GABRG3: variants seen among roughly 807,000 people sequenced by gnomAD.
GABRG3 encodes gamma-aminobutyric acid type A receptor subunit gamma3, also known as gamma-aminobutyric acid receptor subunit gamma-3.
Under a neutral mutation model 48.8 loss-of-function variants are expected in GABRG3, and 25 were observed. That is an observed-to-expected ratio of 0.51 (90% CI 0.37 to 0.72). The LOEUF (loss-of-function observed/expected upper bound fraction) is 0.72, where lower values mean the gene tolerates loss of function less well. GABRG3 is among the 30% of genes least tolerant of loss of function. The pLI is 0.00. For missense variants in GABRG3, 394 were observed against 577.9 expected, an observed-to-expected ratio of 0.68 and a Z score of 3.26; for synonymous variants, 227 against 217.6, an observed-to-expected ratio of 1.04 and a Z score of -0.38.
chr15:27,096,584 A>ACATTT (rs1897268374), intron 3 of GABRG3, among the ~76,000 whole-genome samples: 1 of 152,218 alleles, frequency 6.6e-6, no homozygotes, highest in Non-Finnish European at 1.5e-5. Flanking sequence ...CTCTGTGTAT[A>ACATTT]CATTTCATTT....
At chr15:27,132,840 C>T (rs1897943601) in intron 3 of GABRG3, among the ~76,000 whole-genome samples, 1 of 151,080 alleles carries the variant, frequency 6.6e-6, no homozygotes, top group Non-Finnish European at 1.5e-5. Context: ...CCTTTGCTAG[C>T]TTTGGGGTTA....
In GABRG3 at chr15:27,117,331, T is replaced by C. The variant is rs75179477; in HGVS notation, c.270+90510T>C. Among the ~76,000 whole-genome samples, 1,014 of 152,324 alleles carry C rather than the reference T, an allele frequency of 6.7e-3. 21 individuals are homozygous for C. Among genetic ancestry groups the C allele is most frequent in the African/African-American group, 0.023 (937 of 41,578 alleles). ...GAGCACTAAATTTCAGTTTGAAGTC[T>C]TCTCCTCTGGAGCCGAACAATACTC... On this transcript the variant is annotated intron_variant, in intron 3 of 9. Coordinates refer to ENST00000615808, the MANE Select transcript of GABRG3 (RefSeq NM_033223.5).
At chr15:27,349,986 G>A (rs1894505124) in intron 5 of GABRG3, 1 of 301,582 alleles carries the variant, frequency 3.3e-6, no homozygotes, top group South Asian at 2.8e-5. Flanking sequence ...CTTTCCCATC[G>A]GTACTCACTT....
intron 5 of GABRG3, among the ~76,000 whole-genome samples, chr15:27,412,645 G>T (rs564542959): frequency 4.6e-5 from 7 of 152,190 alleles, no homozygotes; most frequent in African/African-American, 1.7e-4. Flanking sequence ...GCTCTCACAC[G>T]CTTGAACGTG....
intron 3 of GABRG3, among the ~76,000 whole-genome samples, chr15:27,212,676 A>G (rs978792485): frequency 6.6e-6 from 1 of 152,152 alleles, no homozygotes; most frequent in East Asian, 1.9e-4. Context: ...CATCTCTAGG[A>G]CCTTTTCATC....
chr15:26,972,215 A>G (rs1436795289), intron 1 of GABRG3, among the ~76,000 whole-genome samples: 1 of 152,128 alleles, frequency 6.6e-6, no homozygotes, highest in Non-Finnish European at 1.5e-5. Context: ...ACCCCCATAA[A>G]GCACGCATGT....
Position 27,457,562 on chromosome 15 carries a change from C to T in GABRG3, c.575-23088C>T, listed in dbSNP as rs1266871433. On this transcript the variant is annotated intron_variant, in intron 5 of 9. Coordinates refer to ENST00000615808, the MANE Select transcript of GABRG3 (RefSeq NM_033223.5). This position sits in a 1 kb window ranked among gnomAD's most constrained non-coding sequence, Gnocchi z 4.4. ...GCAGAGGAGGACCTGCGATTAGATACGGACACGTTCCCTGCCCCGTATCTA... is the reference window on the plus strand; with the variant it reads ...GCAGAGGAGGACCTGCGATTAGATATGGACACGTTCCCTGCCCCGTATCTA... 6.6e-6 allele frequency among the ~76,000 whole-genome samples: 1 copy of T among 152,130 alleles called. No homozygotes were observed. Among genetic ancestry groups the T allele is most frequent in the Non-Finnish European group, 1.5e-5 (1 of 68,036 alleles).
intron 3 of GABRG3, among the ~76,000 whole-genome samples, chr15:27,118,300 T>C (rs947491847): frequency 1.3e-5 from 2 of 152,138 alleles, no homozygotes; most frequent in African/African-American, 4.8e-5. Flanking sequence ...GTGTACGTAT[T>C]ATATGGTACA....
At chr15:27,199,519 G>A (rs1487566356) in intron 3 of GABRG3, among the ~76,000 whole-genome samples, 4 of 152,136 alleles carry the variant, frequency 2.6e-5, no homozygotes, top group African/African-American at 9.7e-5. Context: ...TTTGGGTCAT[G>A]GAGGTGGATC....
intron 3 of GABRG3, among the ~76,000 whole-genome samples, chr15:27,201,380 AAGAG>A (rs752468538): frequency 4.3e-4 from 63 of 145,576 alleles, no homozygotes; most frequent in African/African-American, 1.1e-3. Context: ...GTGAGAGAGA[AAGAG>A]AGAGAGAACC....
intron 5 of GABRG3, among the ~76,000 whole-genome samples, chr15:27,354,341 T>G (rs1220068627): frequency 6.6e-6 from 1 of 152,126 alleles, no homozygotes. Context: ...TTCAGTGGAG[T>G]GCAGGGCTTG....
At chr15:27,011,829 C>CAGAGCAAGACTCCGTCTCAAAAAAA (rs1895693247) in intron 2 of GABRG3, among the ~76,000 whole-genome samples, 1 of 139,384 alleles carries the variant, frequency 7.2e-6, no homozygotes, top group South Asian at 2.3e-4. Flanking sequence ...GGCTGGGCGA[C>CAGAGCAAGACTCCGTCTCAAAAAAA]AGAGCAAGAC....
intron 5 of GABRG3, among the ~76,000 whole-genome samples, chr15:27,477,851 T>C (rs958845515): frequency 2.6e-5 from 4 of 152,034 alleles, no homozygotes; most frequent in East Asian, 1.9e-4. Context: ...CCATCCTGGC[T>C]AACATGGTGA....
At chr15:27,099,166 C>T (rs959179759) in intron 3 of GABRG3, among the ~76,000 whole-genome samples, 1 of 152,170 alleles carries the variant, frequency 6.6e-6, no homozygotes, top group Non-Finnish European at 1.5e-5. Flanking sequence ...ACAATTACAT[C>T]TAAATAATGA....
chr15:27,359,113 C>G (rs1211473334), intron 5 of GABRG3, among the ~76,000 whole-genome samples: 1 of 152,172 alleles, frequency 6.6e-6, no homozygotes, highest in African/African-American at 2.4e-5. Flanking sequence ...TCTCCCTTCT[C>G]CTATCCAGGT....
rs113738867 is a variant in GABRG3, at chr15:27,352,039, G to A, written c.574+23151G>A. Among the ~76,000 whole-genome samples, 781 of 149,922 alleles carry A rather than the reference G, an allele frequency of 5.2e-3. 5 individuals are homozygous for A. The highest frequency in any genetic ancestry group is 0.018 in the African/African-American group (737 of 40,552). On this transcript the variant is annotated intron_variant, in intron 5 of 9. Coordinates refer to ENST00000615808, the MANE Select transcript of GABRG3 (RefSeq NM_033223.5). This position sits in a 1 kb window ranked among gnomAD's most constrained non-coding sequence, Gnocchi z 4.0. The stretch of plus-strand genomic sequence containing the variant: ...GGTTTATGGTGTATGCGTGTATAGT[G>A]TGTGTGTGTATGGTATGTGTGTATC...
At chr15:27,234,530 T>G (rs529412958) in intron 3 of GABRG3, among the ~76,000 whole-genome samples, 3 of 152,324 alleles carry the variant, frequency 2.0e-5, no homozygotes, top group South Asian at 4.1e-4. Context: ...GCAAGCTGTG[T>G]GATCTGCCTT....
intron 3 of GABRG3, chr15:27,271,578 T>A (rs1266012637): frequency 2.3e-6 from 1 of 441,780 alleles, no homozygotes; most frequent in Admixed American, 2.4e-5. Context: ...GGATGGCTGC[T>A]GGGTATGCAA....
At chr15:27,248,826 AG>A (rs1890354527) in intron 3 of GABRG3, among the ~76,000 whole-genome samples, 15 of 146,444 alleles carry the variant, frequency 1.0e-4, no homozygotes, top group African/African-American at 3.8e-4. Flanking sequence ...AGAGAGAGAG[AG>A]AGAGAGAGAC....
Sources: gnomAD v4.1 joint callset for allele counts (sites outside exome capture counted in the v4.1 genomes callset) on GRCh38, gnomAD v4.1.1 for gene constraint, Gnocchi (gnomAD v3.1) non-coding constraint, MANE v1.5 for transcripts, NCBI Gene and HGNC (gene_info 2026-07-23, HGNC 2026-07-21) for gene names.